The following JAKMIP1 variants were observed in gnomAD, a reference collection of about 807,000 sequenced individuals.
JAKMIP1 encodes janus kinase and microtubule interacting protein 1.
In JAKMIP1, 33 loss-of-function variants were observed where a neutral mutation model predicts 113.0. That is an observed-to-expected ratio of 0.29 (90% confidence interval 0.22 to 0.39). JAKMIP1 has a LOEUF of 0.39. Ranked by LOEUF, JAKMIP1 falls within the 10% of genes least tolerant of loss-of-function variation. The pLI is 1.00. For synonymous variants in JAKMIP1, 480 were observed against 459.9 expected (o/e 1.04, Z -0.56); for missense variants, 813 against 1,080.5 (o/e 0.75, Z 3.47).
intron 1 of JAKMIP1, among the ~76,000 whole-genome samples, chr4:6,131,016 A>G (rs915579922): frequency 1.3e-5 from 2 of 151,926 alleles, no homozygotes; most frequent in African/African-American, 4.8e-5. Flanking sequence ...TCTACAAAAA[A>G]CACAAAACTT....
rs1290900374 is a variant in JAKMIP1 at position 6,044,731 on chromosome 4, A to T, written c.2029-2504T>A. ...ATTTGTTGCTGCTGTCGTTTAAAAA[A>T]TTGCATATAAAAAATAAATTCAACA... On this transcript the variant is annotated intron_variant, in intron 16 of 20. Coordinates refer to ENST00000409021, the MANE Select transcript of JAKMIP1 (RefSeq NM_001099433.2). The surrounding 1 kb of genome is among the most constrained non-coding windows in gnomAD (Gnocchi z 4.4). Among the ~76,000 whole-genome samples, 1 of 152,264 alleles carries T rather than the reference A, an allele frequency of 6.6e-6. No homozygotes were observed. The highest frequency in any genetic ancestry group is 1.5e-5 in the Non-Finnish European group (1 of 68,046).
chr4:6,132,131 A>G (rs1718590433), intron 1 of JAKMIP1, among the ~76,000 whole-genome samples: 1 of 152,248 alleles, frequency 6.6e-6, no homozygotes. Flanking sequence ...ATTGATGGGT[A>G]CAGCTTATGG....
intron 1 of JAKMIP1, among the ~76,000 whole-genome samples, chr4:6,169,898 A>C (rs966187325): frequency 1.3e-5 from 2 of 151,182 alleles, no homozygotes; most frequent in African/African-American, 4.9e-5. Context: ...GAGTGCCTAC[A>C]ATGCACTCTG....
intron 19 of JAKMIP1, among the ~76,000 whole-genome samples, chr4:6,035,658 A>C (rs894893096): frequency 6.6e-6 from 1 of 152,182 alleles, no homozygotes; most frequent in African/African-American, 2.4e-5. Flanking sequence ...GCCGAGGGAG[A>C]AGGCACTTTG....
chr4:6,094,716 A>T lies in JAKMIP1; in HGVS notation c.625-9087T>A, dbSNP rs1308480324. ...ATTATAGAAAATGAAAAATACAGCC[A>T]GACGCAGTGGCTCACGCCTATAATC... On this transcript the variant is annotated intron_variant, in intron 3 of 20. Coordinates refer to ENST00000409021, the MANE Select transcript of JAKMIP1 (RefSeq NM_001099433.2). This position sits in a 1 kb window ranked among gnomAD's most constrained non-coding sequence, Gnocchi z 4.2. Among the ~76,000 whole-genome samples, 1 of 152,248 alleles carries T rather than the reference A, an allele frequency of 6.6e-6. No individual in the cohort carries two copies. Among genetic ancestry groups the T allele is most frequent in the Non-Finnish European group, 1.5e-5 (1 of 68,042 alleles).
At chr4:6,072,562 G>A (rs4544664) in intron 8 of JAKMIP1, among the ~76,000 whole-genome samples, 42,309 of 152,080 alleles carry the variant, frequency 0.28, 6,549 homozygotes, top group East Asian at 0.56. Flanking sequence ...CACACCAACC[G>A]AGGCCAGCCC....
In JAKMIP1 at chr4:6,167,585, T is replaced by C. The variant is rs1275391673; in HGVS notation, c.-148+32668A>G. 6.6e-6 allele frequency among the ~76,000 whole-genome samples: 1 copy of C among 152,150 alleles called. No individual in the cohort carries two copies. The highest frequency in any genetic ancestry group is 6.5e-5 in the Admixed American group (1 of 15,280). On this transcript the variant is annotated intron_variant, in intron 1 of 20. Coordinates refer to ENST00000409021, the MANE Select transcript of JAKMIP1 (RefSeq NM_001099433.2). This position sits in a 1 kb window ranked among gnomAD's most constrained non-coding sequence, Gnocchi z 5.3. ...GATGCCATCTTGAAATTCTTAACCA[T>C]TTTTTAACAAGGAGCCCCAAAAACT...
intron 20 of JAKMIP1, 76 bp downstream of exon 20, chr4:6,029,640 C>T (rs562248404): frequency 2.1e-6 from 2 of 967,466 alleles, no homozygotes; most frequent in South Asian, 1.4e-5. Context: ...TGCTTTGGAC[C>T]TTATGAAATA....
At position 6,049,956 on chromosome 4, in the gene JAKMIP1, G is replaced by C; in HGVS notation, c.1909-84C>G. On this transcript the variant is annotated intron_variant, in intron 14 of 20. Transcript: ENST00000409021. This position sits in a 1 kb window ranked among gnomAD's most constrained non-coding sequence, Gnocchi z 7.0. Reference sequence around the variant, plus strand: ...TTCTAGGGCCACGGCCTTTCCTCTGGACAAGACACCGCGCTCTTTCTTTTC... The same window carrying C: ...TTCTAGGGCCACGGCCTTTCCTCTGCACAAGACACCGCGCTCTTTCTTTTC... The C allele has an allele frequency of 3.2e-6, 3 of 927,058 alleles. No individual in the cohort carries two copies. The highest frequency in any genetic ancestry group is 5.2e-6 in the Non-Finnish European group (3 of 575,372). The allele number at this position is 927,058 out of a possible 1,614,324, so 57.4% of individuals were successfully genotyped here. A position where few individuals can be genotyped will look rare whatever the true frequency, so the allele number is the denominator to read the frequency against.
chr4:6,127,969 C>A (rs1377657739), intron 1 of JAKMIP1, among the ~76,000 whole-genome samples: 1 of 152,196 alleles, frequency 6.6e-6, no homozygotes, highest in Admixed American at 6.5e-5. Flanking sequence ...CCCATCCCAC[C>A]ACCCCCATCT....
intron 8 of JAKMIP1, among the ~76,000 whole-genome samples, chr4:6,073,398 A>G (rs1231476418): frequency 1.3e-5 from 2 of 152,186 alleles, no homozygotes; most frequent in Non-Finnish European, 2.9e-5. Flanking sequence ...ACAGCACTGA[A>G]GCACTGGCCC....
intron 8 of JAKMIP1, among the ~76,000 whole-genome samples, chr4:6,075,109 C>G (rs554949335): frequency 6.6e-6 from 1 of 152,312 alleles, no homozygotes; most frequent in Non-Finnish European, 1.5e-5. Context: ...GTGGAGGTTG[C>G]AGTGAGCCAA....
At position 6,142,786 on chromosome 4, in the gene JAKMIP1, C is replaced by T. The variant is rs1328871243; in HGVS notation, c.-147-29789G>A. Among the ~76,000 whole-genome samples the T allele has an allele frequency of 6.6e-6, 1 of 152,182 alleles. No individual in the cohort carries two copies. The highest frequency in any genetic ancestry group is 2.4e-5 in the African/African-American group (1 of 41,454). Reference sequence around the variant, plus strand: ...CATGAAGGCAGAGCTGGTTATGTGGCAGATCCTCCCAGGGGTACAAATGGC... The same window carrying T: ...CATGAAGGCAGAGCTGGTTATGTGGTAGATCCTCCCAGGGGTACAAATGGC... On this transcript the variant is annotated intron_variant, in intron 1 of 20. Transcript: ENST00000409021. The surrounding 1 kb of genome is among the most constrained non-coding windows in gnomAD (Gnocchi z 5.5).
Position 6,089,662 on chromosome 4 carries a change from T to C in JAKMIP1, c.625-4033A>G, listed in dbSNP as rs755334422. Among the ~76,000 whole-genome samples the C allele has an allele frequency of 5.3e-5, 8 of 152,168 alleles. No individual in the cohort carries two copies. The highest frequency in any genetic ancestry group is 8.8e-5 in the Non-Finnish European group (6 of 68,034). On this transcript the variant is annotated intron_variant, in intron 3 of 20. Coordinates refer to ENST00000409021, the MANE Select transcript of JAKMIP1 (RefSeq NM_001099433.2). The surrounding 1 kb of genome is among the most constrained non-coding windows in gnomAD (Gnocchi z 5.3). ...GTCAAGTCCACCAGGAAATGTATCT[T>C]AGTGAAAACAAGCCCACTGACCCAT... is the stretch of plus-strand genomic sequence containing the variant.
chr4:6,170,024 CAT>C (rs1724206797), intron 1 of JAKMIP1, among the ~76,000 whole-genome samples: 1 of 141,806 alleles, frequency 7.1e-6, no homozygotes. Context: ...ACCACCACCA[CAT>C]TCCCATCACC....
intron 9 of JAKMIP1, among the ~76,000 whole-genome samples, chr4:6,063,945 G>A (rs988096905): frequency 7.9e-5 from 12 of 152,216 alleles, no homozygotes; most frequent in African/African-American, 2.7e-4. Context: ...GCTCCCTCGC[G>A]AGGTAGCGCG....
At chr4:6,037,608 A>G (rs1203897032) in intron 18 of JAKMIP1, among the ~76,000 whole-genome samples, 3 of 144,808 alleles carry the variant, frequency 2.1e-5, no homozygotes, top group African/African-American at 8.0e-5. Flanking sequence ...ACCGAGGCAG[A>G]GGCTAACCGG....
intron 5 of JAKMIP1, 125 bp downstream of exon 5, chr4:6,084,717 GAAGT>G (rs1721034315): frequency 2.1e-6 from 2 of 974,836 alleles, no homozygotes; most frequent in African/African-American, 3.3e-5. Context: ...TAATCGAAAA[GAAGT>G]AAGAAGGAAA....
In JAKMIP1 at chr4:6,167,307, C is replaced by T. The variant is rs79115454; in HGVS notation, c.-148+32946G>A. ...CTGGGACTTCATCTTTCATGTGGCTCCTCCTCCCCCTGACAGTGGCCCTTG... is the reference window on the plus strand; with the variant it reads ...CTGGGACTTCATCTTTCATGTGGCTTCTCCTCCCCCTGACAGTGGCCCTTG... On this transcript the variant is annotated intron_variant, in intron 1 of 20. Transcript: ENST00000409021. The surrounding 1 kb of genome is among the most constrained non-coding windows in gnomAD (Gnocchi z 5.3). Among the ~76,000 whole-genome samples, 4,960 of 152,046 alleles carry T rather than the reference C, an allele frequency of 0.033. 263 individuals are homozygous for T. The highest frequency in any genetic ancestry group is 0.11 in the African/African-American group (4,661 of 41,472).
Sources: allele counts gnomAD v4.1 joint callset (sites outside exome capture counted in the v4.1 genomes callset), GRCh38; gene constraint gnomAD v4.1.1; non-coding constraint Gnocchi (gnomAD v3.1); transcripts MANE v1.5; gene names NCBI Gene and HGNC (gene_info 2026-07-23, HGNC 2026-07-21).